CNTN4: variants seen among roughly 807,000 people sequenced by gnomAD.
CNTN4 encodes the protein contactin 4.
In CNTN4, 77 loss-of-function variants were observed where a neutral mutation model predicts 122.5. The observed-to-expected ratio is 0.63, with a 90% CI of 0.52 to 0.76. The LOEUF (loss-of-function observed/expected upper bound fraction) is 0.76, where lower values mean the gene tolerates loss of function less well. CNTN4 is among the 30% of genes least tolerant of loss of function. The pLI is 0.00. For missense variants in CNTN4, 1,256 were observed against 1,259.1 expected (o/e 1.00, Z 0.04); for synonymous variants, 512 against 447.0 (o/e 1.15, Z -1.83).
At chr3:2,700,073 T>C (rs2086273877) in intron 4 of CNTN4, among the ~76,000 whole-genome samples, 1 of 152,116 alleles carries the variant, frequency 6.6e-6, no homozygotes, top group Admixed American at 6.5e-5. Context: ...ACGAAGTGCA[T>C]GCACTACTGA....
Position 2,167,081 on chromosome 3 carries a change from T to C in CNTN4, c.-145+66442T>C, listed in dbSNP as rs115816474. Among the ~76,000 whole-genome samples, 1,134 of 151,600 alleles carry C rather than the reference T, an allele frequency of 7.5e-3. 16 individuals are homozygous for C. The highest frequency in any genetic ancestry group is 0.026 in the African/African-American group (1,066 of 40,926). The stretch of plus-strand genomic sequence containing the variant: ...TGTAATAAAAATAAATTTAAAAATA[T>C]ATATGCAAGTTACAATTAAAGTAGG... On this transcript the variant is annotated intron_variant, in intron 2 of 24. Coordinates refer to ENST00000418658, the MANE Select transcript of CNTN4 (RefSeq NM_175607.3).
At chr3:2,902,439 G>A (rs376268775) in intron 11 of CNTN4, among the ~76,000 whole-genome samples, 114 of 152,176 alleles carry the variant, frequency 7.5e-4, no homozygotes, top group African/African-American at 2.6e-3. Flanking sequence ...ATCCAAGATT[G>A]TAATCCTATT....
At chr3:2,668,726 G>A (rs1333248791) in intron 4 of CNTN4, among the ~76,000 whole-genome samples, 1 of 152,062 alleles carries the variant, frequency 6.6e-6, no homozygotes, top group African/African-American at 2.4e-5. Flanking sequence ...ATTGGCTGTG[G>A]GTTTGTCATA....
chr3:2,155,251 G>A (rs115218715), intron 2 of CNTN4, among the ~76,000 whole-genome samples: 2 of 152,068 alleles, frequency 1.3e-5, no homozygotes, highest in African/African-American at 2.4e-5. Flanking sequence ...TAATTCCTGT[G>A]CAGCAATGAA....
intron 7 of CNTN4, among the ~76,000 whole-genome samples, chr3:2,837,965 C>G (rs141607563): frequency 3.3e-5 from 5 of 152,314 alleles, no homozygotes; most frequent in Middle Eastern, 3.4e-3. Flanking sequence ...TATAAGTCAT[C>G]TCATCATGTA....
At position 2,385,617 on chromosome 3, in the gene CNTN4, T is replaced by C. The variant is rs35555380; in HGVS notation, c.-89+46384T>C. ...GGAGGGTCGCATCTCTCAGCTTCTGTTAGCCCCAGTTGTTCTGCAGCTTGT... is the reference window on the plus strand; with the variant it reads ...GGAGGGTCGCATCTCTCAGCTTCTGCTAGCCCCAGTTGTTCTGCAGCTTGT... On this transcript the variant is annotated intron_variant, in intron 3 of 24. Transcript: ENST00000418658. This position sits in a 1 kb window ranked among gnomAD's most constrained non-coding sequence, Gnocchi z 4.0. 4.7e-4 allele frequency among the ~76,000 whole-genome samples: 71 copies of C among 152,066 alleles called. No homozygotes were observed. The highest frequency in any genetic ancestry group is 1.7e-3 in the African/African-American group (69 of 41,522).
intron 3 of CNTN4, among the ~76,000 whole-genome samples, chr3:2,384,016 C>T (rs1280327977): frequency 6.6e-6 from 1 of 152,068 alleles, no homozygotes; most frequent in Non-Finnish European, 1.5e-5. Context: ...AATGTATTCA[C>T]ATCTCTAATT....
chr3:2,842,176 A>C (rs945220016), intron 7 of CNTN4, among the ~76,000 whole-genome samples: 1 of 152,164 alleles, frequency 6.6e-6, no homozygotes, highest in Admixed American at 6.5e-5. Flanking sequence ...TTCTTTAAAG[A>C]GTGCAGGTAA....
intron 8 of CNTN4, among the ~76,000 whole-genome samples, chr3:2,873,848 T>A (rs533755519): frequency 7.9e-5 from 12 of 152,302 alleles, no homozygotes; most frequent in African/African-American, 2.6e-4. Context: ...GCCTTCCACT[T>A]AGACATAATT....
At position 2,376,688 on chromosome 3, in the gene CNTN4, TA is replaced by T. The variant is rs11404151; in HGVS notation, c.-89+37472del. Among the ~76,000 whole-genome samples the T allele has an allele frequency of 6.0e-3, 801 of 134,328 alleles. 6 individuals are homozygous for T. Among genetic ancestry groups the T allele is most frequent in the South Asian group, 0.013 (52 of 4,092 alleles). 88.1% of individuals were successfully genotyped at this position (134,328 alleles called of 152,430 possible). A position where few individuals can be genotyped will look rare whatever the true frequency, so the allele number is the denominator to read the frequency against. ...TTTGTGGAGTTGGGCACTTGTATGTTAAAAAAAAAAAAAAAAAGGTCAGGTT... is the reference window on the plus strand; with the variant it reads ...TTTGTGGAGTTGGGCACTTGTATGTTAAAAAAAAAAAAAAAAGGTCAGGTT... On this transcript the variant is annotated intron_variant, in intron 3 of 24. Transcript: ENST00000418658.
chr3:2,566,362 G>A (rs1362354233), intron 3 of CNTN4, among the ~76,000 whole-genome samples: 3 of 152,168 alleles, frequency 2.0e-5, no homozygotes, highest in Non-Finnish European at 2.9e-5. Context: ...AATTGCCAAA[G>A]CTCTAATTTT....
intron 4 of CNTN4, among the ~76,000 whole-genome samples, chr3:2,602,270 G>C (rs578219775): frequency 6.6e-6 from 1 of 152,100 alleles, no homozygotes; most frequent in Non-Finnish European, 1.5e-5. Flanking sequence ...AAGAAATAAA[G>C]GGTATTCAAT....
chr3:3,017,035 A>G (rs988214134), intron 14 of CNTN4, among the ~76,000 whole-genome samples: 3 of 152,126 alleles, frequency 2.0e-5, no homozygotes, highest in Non-Finnish European at 4.4e-5. Flanking sequence ...GTATGAATCG[A>G]TGAAAAACCT....
chr3:2,452,890 C>T (rs947846345), intron 3 of CNTN4, among the ~76,000 whole-genome samples: 1 of 152,058 alleles, frequency 6.6e-6, no homozygotes, highest in South Asian at 2.1e-4. Context: ...CCCCTCTTCT[C>T]CATGAACTCT....
intron 4 of CNTN4, among the ~76,000 whole-genome samples, chr3:2,734,514 C>G (rs1165822843): frequency 6.6e-6 from 1 of 152,194 alleles, no homozygotes; most frequent in Non-Finnish European, 1.5e-5. Flanking sequence ...AGTCCATGGT[C>G]TTTCTGAATC....
chr3:2,740,303 T>G (rs1300361132), intron 5 of CNTN4, among the ~76,000 whole-genome samples: 1 of 152,132 alleles, frequency 6.6e-6, no homozygotes. Context: ...CAGGCTGCAG[T>G]GAGCTATGAT....
chr3:2,497,922 A>T (rs1470229758), intron 3 of CNTN4, among the ~76,000 whole-genome samples: 2 of 152,066 alleles, frequency 1.3e-5, no homozygotes, highest in Non-Finnish European at 2.9e-5. Context: ...GAATCCTCTC[A>T]GTTATTTACT....
At chr3:2,288,865 A>C (rs1285492228) in intron 2 of CNTN4, among the ~76,000 whole-genome samples, 1 of 152,218 alleles carries the variant, frequency 6.6e-6, no homozygotes, top group African/African-American at 2.4e-5. Context: ...TTTGTCTTGA[A>C]TGTTCATTCA....
At chr3:3,042,697 A>G in intron 21 of CNTN4, 1 of 587,566 alleles carries the variant, frequency 1.7e-6, no homozygotes, top group East Asian at 2.9e-5. Flanking sequence ...TGATATGCCC[A>G]GGATCACTTT....
Sources: gnomAD v4.1 joint callset for allele counts (sites outside exome capture counted in the v4.1 genomes callset) on GRCh38, gnomAD v4.1.1 for gene constraint, Gnocchi (gnomAD v3.1) non-coding constraint, MANE v1.5 for transcripts, NCBI Gene and HGNC (gene_info 2026-07-23, HGNC 2026-07-21) for gene names.